The following DNAH9 variants were observed in gnomAD, a reference collection of about 807,000 sequenced individuals.
The protein encoded by DNAH9 is DNAH9 variant protein.
In DNAH9, 345 loss-of-function variants were observed where a neutral mutation model predicts 471.6. The ratio of observed to expected loss-of-function variants is 0.73; its 90% CI spans 0.67 to 0.80. The LOEUF (loss-of-function observed/expected upper bound fraction) is 0.80, where lower values mean the gene tolerates loss of function less well. Among genes scored for constraint, DNAH9 ranks in the 30% least tolerant of loss-of-function variants. The probability of loss-of-function intolerance (pLI) is 0.00; values close to 1 mark genes in which losing one functional copy is unlikely to be tolerated. For synonymous variants in DNAH9, 2,093 were observed against 2,123.6 expected, an observed-to-expected ratio of 0.99 and a Z score of 0.40; for missense variants, 5,407 against 5,609.2, an observed-to-expected ratio of 0.96 and a Z score of 1.15.
At chr17:11,820,933 A>G (rs1567825211) in intron 45 of DNAH9, among the ~76,000 whole-genome samples, 2 of 151,998 alleles carry the variant, frequency 1.3e-5, no homozygotes, top group African/African-American at 4.8e-5. Context: ...ATTTCCCTGC[A>G]TTTTTTATAG....
chr17:11,632,676 T>C lies in DNAH9; in HGVS notation c.1608T>C (p.Asp536=). The change falls in exon 8 of 69, where the codon GAT becomes GAC. Residue 536 remains aspartate (D), a synonymous_variant. Transcript: ENST00000262442. The stretch of plus-strand genomic sequence containing the variant: ...CTATCTTTATTCAAGCTTTTGATGA[T>C]GCACCTGGCTTGGAGCATGCCTTTA... ...LGTIFIQAFD[D]APGLEHAFKL... is the part of the protein sequence containing the mutation. 3 of 1,603,532 alleles carry C rather than the reference T, an allele frequency of 1.9e-6. No individual in the cohort carries two copies. The highest frequency in any genetic ancestry group is 2.6e-6 in the Non-Finnish European group (3 of 1,170,352).
At chr17:11,938,006 C>T (rs1183123292) in intron 66 of DNAH9, among the ~76,000 whole-genome samples, 1 of 152,178 alleles carries the variant, frequency 6.6e-6, no homozygotes, top group African/African-American at 2.4e-5. Context: ...GGCTTCTAGT[C>T]CGAGAGTCTC....
intron 38 of DNAH9, among the ~76,000 whole-genome samples, chr17:11,773,538 A>AT: frequency 6.6e-6 from 1 of 152,094 alleles, no homozygotes; most frequent in Admixed American, 6.5e-5. Context: ...CACTTATATG[A>AT]TTTTTTAAAA....
intron 14 of DNAH9, 65 bp from the exon 15 acceptor site, chr17:11,664,768 G>A: frequency 3.7e-6 from 5 of 1,354,486 alleles, no homozygotes; most frequent in Non-Finnish European, 5.2e-6. Context: ...TATTTTGACT[G>A]TTGATTACAC....
chr17:11,903,310 C>T (rs184959872), intron 60 of DNAH9, among the ~76,000 whole-genome samples: 17 of 151,914 alleles, frequency 1.1e-4, no homozygotes, highest in Admixed American at 2.6e-4. Flanking sequence ...TACACTCCAG[C>T]CTGGGCGACA....
chr17:11,817,569 G>A (rs1274576968), intron 45 of DNAH9, among the ~76,000 whole-genome samples: 2 of 152,140 alleles, frequency 1.3e-5, no homozygotes, highest in African/African-American at 4.8e-5. Context: ...AATACCTAAT[G>A]ATCATGGCTA....
chr17:11,738,854 T>A (rs1370277483), intron 28 of DNAH9, 26 bp from the exon 29 acceptor site: 19 of 1,610,946 alleles, frequency 1.2e-5, no homozygotes, highest in Non-Finnish European at 1.4e-5. Flanking sequence ...ATTGAGGAAT[T>A]TCTCGCTGAT....
chr17:11,883,313 G>C lies in DNAH9; in HGVS notation c.10807-273G>C, dbSNP rs1002679270. 147 of 1,170,650 alleles carry C rather than the reference G, an allele frequency of 1.3e-4. 1 individual carries two copies. The highest frequency in any genetic ancestry group is 1.2e-4 in the Admixed American group (3 of 24,782). 72.5% of individuals were successfully genotyped at this position (1,170,650 alleles called of 1,614,324 possible). On this transcript the variant is annotated intron_variant, in intron 55 of 68. Coordinates refer to ENST00000262442, the MANE Select transcript of DNAH9 (RefSeq NM_001372.4). ...CTGATAATGCAGTGTGTTGCCCATT[G>C]TGCATTAAGCATAGCACAGAAATCC...
chr17:11,774,097 C>T (rs1485258844), intron 38 of DNAH9, among the ~76,000 whole-genome samples: 1 of 152,190 alleles, frequency 6.6e-6, no homozygotes, highest in Non-Finnish European at 1.5e-5. Context: ...GATCACATCA[C>T]TGCTCTCCAG....
intron 33 of DNAH9, among the ~76,000 whole-genome samples, chr17:11,755,236 A>C (rs945419863): frequency 6.6e-6 from 1 of 152,092 alleles, no homozygotes; most frequent in Non-Finnish European, 1.5e-5. Flanking sequence ...CCTGCAGTAT[A>C]GTTTGAAGTC....
rs1010819498 is a variant in DNAH9, at chr17:11,621,653, C to T, written c.1350+1872C>T. 5.9e-5 allele frequency among the ~76,000 whole-genome samples: 9 copies of T among 152,210 alleles called. No homozygotes were observed. The East Asian group carries it at 9.7e-4, about 16-fold the overall frequency. On this transcript the variant is annotated intron_variant, in intron 6 of 68. Transcript: ENST00000262442. The stretch of plus-strand genomic sequence containing the variant: ...GGAGCTAGGAACTGAGATACAAAGA[C>T]GACTGAAATGCGATTTCCCTGTAAG...
intron 43 of DNAH9, among the ~76,000 whole-genome samples, chr17:11,803,138 C>A (rs1177183521): frequency 6.6e-6 from 1 of 152,204 alleles, no homozygotes; most frequent in East Asian, 1.9e-4. Context: ...AGTAGTACCA[C>A]TTTTCTACTG....
rs1319322588 is a variant in DNAH9 at position 11,829,449 on chromosome 17, CTTA to C, written c.9247-5186_9247-5184del. Among the ~76,000 whole-genome samples the C allele has an allele frequency of 2.0e-5, 3 of 152,228 alleles. No homozygotes were observed. In the East Asian group the frequency reaches 5.8e-4, roughly 29 times the overall value. ...ACAATTATATTGTAAAGTTCACAAA[CTTA>C]TTTATTTACTTATTTGCTTATTTAT... On this transcript the variant is annotated intron_variant, in intron 48 of 68. Transcript: ENST00000262442.
chr17:11,786,573 C>A (rs903780964), intron 41 of DNAH9, among the ~76,000 whole-genome samples: 1 of 152,146 alleles, frequency 6.6e-6, no homozygotes, highest in African/African-American at 2.4e-5. Context: ...AGGTAAAATA[C>A]TGATTATTTT....
In DNAH9 at chr17:11,623,795, A is replaced by C. The variant is rs1489733225; in HGVS notation, c.1350+4014A>C. Among the ~76,000 whole-genome samples the C allele has an allele frequency of 1.3e-5, 2 of 152,192 alleles. No homozygotes were observed. Among genetic ancestry groups the C allele is most frequent in the African/African-American group, 4.8e-5 (2 of 41,448 alleles). The stretch of plus-strand genomic sequence containing the variant: ...AAATACATGAAACACCAATGTGTTT[A>C]TCTCTCTGCATGCTCTCGTCACGGG... On this transcript the variant is annotated intron_variant, in intron 6 of 68. Transcript: ENST00000262442. The surrounding 1 kb of genome is among the most constrained non-coding windows in gnomAD (Gnocchi z 4.1).
chr17:11,877,510 G>A (rs1972550060), intron 53 of DNAH9, among the ~76,000 whole-genome samples: 1 of 140,842 alleles, frequency 7.1e-6, no homozygotes, highest in South Asian at 2.3e-4. Flanking sequence ...AAAAGTAATG[G>A]TGGCAGTATT....
At position 11,898,132 on chromosome 17, in the gene DNAH9, C is replaced by CTT. The variant is rs35816812; in HGVS notation, c.11406+3646_11406+3647dup. Among the ~76,000 whole-genome samples, 1,147 of 148,412 alleles carry CTT rather than the reference C, an allele frequency of 7.7e-3. 19 individuals carry two copies. The highest frequency in any genetic ancestry group is 0.024 in the African/African-American group (988 of 40,424). ...CTTTCCACTTCTTTCTTTTCCTTTTCTTTTTTTTTTTGAGGCGGAGTCTCG... is the reference window on the plus strand; with the variant it reads ...CTTTCCACTTCTTTCTTTTCCTTTTCTTTTTTTTTTTTTGAGGCGGAGTCTCG... On this transcript the variant is annotated intron_variant, in intron 59 of 68. Transcript: ENST00000262442.
At chr17:11,842,909 C>T (rs1971078860) in intron 49 of DNAH9, among the ~76,000 whole-genome samples, 1 of 152,210 alleles carries the variant, frequency 6.6e-6, no homozygotes, top group African/African-American at 2.4e-5. Context: ...TCAATCCAAT[C>T]AAGTTGACAC....
At chr17:11,782,765 C>T (rs1327589575) in intron 39 of DNAH9, among the ~76,000 whole-genome samples, 2 of 152,062 alleles carry the variant, frequency 1.3e-5, no homozygotes, top group Non-Finnish European at 2.9e-5. Flanking sequence ...GATGTGGGGG[C>T]CCATGCCTGT....
Sources: allele counts gnomAD v4.1 joint callset (sites outside exome capture counted in the v4.1 genomes callset), GRCh38; gene constraint gnomAD v4.1.1; non-coding constraint Gnocchi (gnomAD v3.1); transcripts MANE v1.5; gene names NCBI Gene and HGNC (gene_info 2026-07-23, HGNC 2026-07-21).